The following SBF2 variants were observed in gnomAD, a reference collection of about 807,000 sequenced individuals.
The protein encoded by SBF2 is myotubularin-related protein 13.
In SBF2, 112 loss-of-function variants were observed where a neutral mutation model predicts 225.2. The observed-to-expected ratio is 0.50, with a 90% CI of 0.43 to 0.58. The LOEUF is 0.58. Among genes scored for constraint, SBF2 ranks in the 20% least tolerant of loss-of-function variants. The probability of loss-of-function intolerance (pLI) is 0.00; values close to 1 mark genes in which losing one functional copy is unlikely to be tolerated. For synonymous variants in SBF2, 763 were observed against 773.3 expected (o/e 0.99, Z 0.22); for missense variants, 1,996 against 2,206.2 (o/e 0.90, Z 1.91).
chr11:9,927,401 C>T (rs1033690490), intron 16 of SBF2, among the ~76,000 whole-genome samples: 2 of 152,070 alleles, frequency 1.3e-5, no homozygotes, highest in African/African-American at 4.8e-5. Context: ...GCCAGCAATA[C>T]CCTGCTACCA....
At chr11:10,116,841 G>A (rs749361531) in intron 2 of SBF2, among the ~76,000 whole-genome samples, 1 of 152,098 alleles carries the variant, frequency 6.6e-6, no homozygotes, top group South Asian at 2.1e-4. Flanking sequence ...GTCATTTTGA[G>A]CTCCTATTTA....
intron 1 of SBF2, among the ~76,000 whole-genome samples, chr11:10,270,006 A>G (rs1254905262): frequency 6.6e-6 from 1 of 152,192 alleles, no homozygotes; most frequent in Non-Finnish European, 1.5e-5. Context: ...ATCAATGCAA[A>G]AATCTGGCTA....
At chr11:10,236,408 A>T (rs1959077516) in intron 1 of SBF2, among the ~76,000 whole-genome samples, 1 of 152,148 alleles carries the variant, frequency 6.6e-6, no homozygotes, top group Non-Finnish European at 1.5e-5. Flanking sequence ...GCCTACTGTG[A>T]GCTATGATTA....
intron 1 of SBF2, among the ~76,000 whole-genome samples, chr11:10,235,204 C>G (rs1176176503): frequency 6.6e-6 from 1 of 152,154 alleles, no homozygotes; most frequent in Non-Finnish European, 1.5e-5. Flanking sequence ...TCTAATTATA[C>G]TTCCTTTTTT....
chr11:10,277,479 A>T (rs1411762320), intron 1 of SBF2, among the ~76,000 whole-genome samples: 16 of 152,204 alleles, frequency 1.1e-4, no homozygotes, highest in Admixed American at 6.5e-4. Context: ...ATCCAGATAG[A>T]TTTCCTAATA....
At chr11:10,074,094 A>G (rs1375419059) in intron 2 of SBF2, among the ~76,000 whole-genome samples, 1 of 152,216 alleles carries the variant, frequency 6.6e-6, no homozygotes, top group Non-Finnish European at 1.5e-5. Flanking sequence ...GCTTCACAAT[A>G]ATCCAATTAG....
At chr11:9,822,076 A>G (rs550362800) in intron 28 of SBF2, among the ~76,000 whole-genome samples, 8 of 152,286 alleles carry the variant, frequency 5.3e-5, no homozygotes, top group Admixed American at 4.6e-4. Context: ...TTAAAATGCT[A>G]CTATGGGCTA....
rs1346221486 is a variant in SBF2 at position 9,972,828 on chromosome 11, T to C, written c.1396-4283A>G. Among the ~76,000 whole-genome samples, 4 of 152,190 alleles carry C rather than the reference T, an allele frequency of 2.6e-5. 1 individual carries two copies. Among genetic ancestry groups the C allele is most frequent in the African/African-American group, 9.6e-5 (4 of 41,460 alleles). On this transcript the variant is annotated intron_variant, in intron 13 of 39. Coordinates refer to ENST00000256190, the MANE Select transcript of SBF2 (RefSeq NM_030962.4). ...TCTTCCCAGAAGCAATTAGAAATAT[T>C]GTAAACCAAATCCATACACAATTTA... is the stretch of plus-strand genomic sequence containing the variant.
At chr11:10,294,830 G>C (rs570416333), upstream of SBF2, among the ~76,000 whole-genome samples, 5 of 152,334 alleles carry the variant, frequency 3.3e-5, no homozygotes, top group East Asian at 9.7e-4. Context: ...CGGCATCCCC[G>C]GGATCCTCCC....
At chr11:9,792,756 GTGT>G (rs71453930) in intron 33 of SBF2, among the ~76,000 whole-genome samples, 51,467 of 151,448 alleles carry the variant, frequency 0.34, 9,166 homozygotes, top group Non-Finnish European at 0.39. Context: ...GCATGTTTAT[GTGT>G]TGTTGTTTTT....
chr11:9,888,504 C>CAAA (rs11379489), intron 17 of SBF2, among the ~76,000 whole-genome samples: 107 of 138,112 alleles, frequency 7.7e-4, no homozygotes, highest in African/African-American at 2.0e-3. Context: ...AAACCAGTCT[C>CAAA]AAAAAAAAAA....
chr11:10,291,675 C>T (rs995348445), intron 1 of SBF2, among the ~76,000 whole-genome samples: 2 of 122,926 alleles, frequency 1.6e-5, no homozygotes, highest in Non-Finnish European at 3.7e-5. Context: ...CACACACACA[C>T]ACACACACAC....
intron 1 of SBF2, among the ~76,000 whole-genome samples, chr11:10,225,598 G>A (rs1425124587): frequency 6.6e-6 from 1 of 151,998 alleles, no homozygotes; most frequent in Non-Finnish European, 1.5e-5. Context: ...AGAAATTCTA[G>A]ATGACACACC....
intron 2 of SBF2, chr11:10,149,168 C>A (rs1218597098): frequency 6.6e-6 from 1 of 152,364 alleles, no homozygotes; most frequent in Non-Finnish European, 1.5e-5. Flanking sequence ...TGCTTCTTTT[C>A]CCAATGTCTC....
intron 2 of SBF2, among the ~76,000 whole-genome samples, chr11:10,053,191 ACCAATT>A (rs1488428146): frequency 6.6e-6 from 1 of 152,132 alleles, no homozygotes; most frequent in Non-Finnish European, 1.5e-5. Flanking sequence ...AAATATCATA[ACCAATT>A]CCCTATTGTT....
At chr11:9,995,937 C>T (rs879871392) in intron 9 of SBF2, among the ~76,000 whole-genome samples, 5 of 151,512 alleles carry the variant, frequency 3.3e-5, no homozygotes, top group Non-Finnish European at 7.4e-5. Context: ...TGGGATTACA[C>T]GCATGAGCCA....
intron 2 of SBF2, among the ~76,000 whole-genome samples, chr11:10,068,573 A>C (rs980310729): frequency 5.9e-5 from 9 of 152,344 alleles, no homozygotes; most frequent in South Asian, 2.1e-4. Flanking sequence ...AATTAATAAA[A>C]TCTTAATGAA....
chr11:10,258,725 G>A (rs1184100521), intron 1 of SBF2, among the ~76,000 whole-genome samples: 1 of 152,130 alleles, frequency 6.6e-6, no homozygotes, highest in Non-Finnish European at 1.5e-5. Flanking sequence ...TGAGATAACT[G>A]GACAGAATAG....
intron 2 of SBF2, among the ~76,000 whole-genome samples, chr11:10,080,132 C>A (rs1951301163): frequency 6.6e-6 from 1 of 150,876 alleles, no homozygotes; most frequent in Non-Finnish European, 1.5e-5. Context: ...CCTGTAGTCT[C>A]AGCTACTTGG....
Sources: allele counts gnomAD v4.1 joint callset (sites outside exome capture counted in the v4.1 genomes callset), GRCh38; gene constraint gnomAD v4.1.1; transcripts MANE v1.5; gene names NCBI Gene and HGNC (gene_info 2026-07-23, HGNC 2026-07-21).